C1orf87: variants seen among roughly 807,000 people sequenced by gnomAD.
The protein encoded by C1orf87 is uncharacterized protein C1orf87.
C1orf87 carries 58 observed loss-of-function variants against 60.5 expected under a neutral mutation model. The observed-to-expected ratio is 0.96, with a 90% CI of 0.78 to 1.19. The LOEUF is 1.19. Ranked by LOEUF, C1orf87 falls within the 50% of genes most tolerant of loss-of-function variation. C1orf87 has a pLI of 0.00. For missense variants in C1orf87, 673 were observed against 638.6 expected, an observed-to-expected ratio of 1.05 and a Z score of -0.58; for synonymous variants, 236 against 227.4, an observed-to-expected ratio of 1.04 and a Z score of -0.34.
chr1:60,062,501 G>C (rs1645503991), intron 2 of C1orf87, among the ~76,000 whole-genome samples: 1 of 152,042 alleles, frequency 6.6e-6, no homozygotes, highest in African/African-American at 2.4e-5. Flanking sequence ...CCAGCACTGG[G>C]TATCTCCATT....
chr1:60,055,922 G>A (rs1430332992), intron 2 of C1orf87, among the ~76,000 whole-genome samples: 2 of 151,696 alleles, frequency 1.3e-5, no homozygotes, highest in African/African-American at 4.8e-5. Context: ...GATGATTCAA[G>A]GAAATTCAAA....
chr1:60,001,088 T>G lies in C1orf87; in HGVS notation c.1261A>C (p.Thr421Pro), dbSNP rs1457476455. The change falls in exon 10 of 12, where the codon ACT becomes CCT. Residue 421 changes from threonine (T) to proline (P), a missense_variant. Physicochemically the swap from Thr to Pro is conservative, Grantham distance 38. Coordinates refer to ENST00000371201, the MANE Select transcript of C1orf87 (RefSeq NM_152377.3). Reference sequence around the variant, plus strand: ...CCCCAGGTGCATACCATATGTTCAGTTTTGCTTTGAGACATCTCGGGGACT... The same window carrying G: ...CCCCAGGTGCATACCATATGTTCAGGTTTGCTTTGAGACATCTCGGGGACT... ...PEVPEMSQSK[T>P]EHMKTPEEEL... The G allele has an allele frequency of 6.2e-7, 1 of 1,608,664 alleles. No individual in the cohort carries two copies.
chr1:60,038,069 T>C lies in C1orf87; in HGVS notation c.786A>G (p.Ala262=). 6.3e-7 allele frequency: 1 copy of C among 1,596,304 alleles called. No homozygotes were observed. The highest frequency in any genetic ancestry group is 8.6e-7 in the Non-Finnish European group (1 of 1,166,494). The change falls in exon 6 of 12, where the codon GCA becomes GCG. Residue 262 remains alanine, a synonymous_variant. Coordinates refer to ENST00000371201, the MANE Select transcript of C1orf87 (RefSeq NM_152377.3). ...YEKLLWFLNS[A]ASDYPQQNKA... The stretch of plus-strand genomic sequence containing the variant: ...TATTTTGCTGTGGATAATCTGATGC[T>C]GCACTGTTTAAAAACCAGAGTAGCT...
intron 8 of C1orf87, chr1:60,010,710 A>T (rs1010696912): frequency 1.3e-5 from 4 of 297,626 alleles, no homozygotes; most frequent in Admixed American, 5.0e-5. Flanking sequence ...TGTGGTCCAG[A>T]GATCAGGGAA....
intron 4 of C1orf87, among the ~76,000 whole-genome samples, chr1:60,040,755 A>ATTT (rs34709077): frequency 2.0e-4 from 26 of 132,118 alleles, no homozygotes; most frequent in African/African-American, 4.0e-4. Context: ...ACTGTCTTTA[A>ATTT]TTTTTTTTTT....
At chr1:60,046,122 T>C (rs1645366199) in intron 3 of C1orf87, among the ~76,000 whole-genome samples, 1 of 151,084 alleles carries the variant, frequency 6.6e-6, no homozygotes, top group Non-Finnish European at 1.5e-5. Context: ...CCTCTTTTCC[T>C]TACATCTTTT....
In C1orf87 at chr1:60,055,326, G is replaced by C. The variant is rs1272606483; in HGVS notation, c.220C>G (p.Gln74Glu). 2 of 1,614,082 alleles carry C rather than the reference G, an allele frequency of 1.2e-6. No individual in the cohort carries two copies. Among genetic ancestry groups the C allele is most frequent in the East Asian group, 2.2e-5 (1 of 44,878 alleles). ...DTPVPINFTD[Q>E]QTTDNPDDVK... is the part of the protein sequence containing the mutation. Reference sequence around the variant, plus strand: ...TCATCTGGATTATCAGTGGTTTGCTGATCAGTGAAGTTAATGGGAACTGGG... The same window carrying C: ...TCATCTGGATTATCAGTGGTTTGCTCATCAGTGAAGTTAATGGGAACTGGG... Residue 74 changes from glutamine to glutamate, a missense_variant, in exon 3 of 12, where the codon CAG (glutamine) becomes GAG (glutamate). Transcript: ENST00000371201.
chr1:60,046,233 C>G (rs974848534), intron 3 of C1orf87, among the ~76,000 whole-genome samples: 1 of 137,574 alleles, frequency 7.3e-6, no homozygotes, highest in African/African-American at 2.7e-5. Flanking sequence ...CCTCCCCCTC[C>G]CCTTCCTTCC....
At chr1:59,997,493 A>G in intron 11 of C1orf87, 116 bp downstream of exon 11, 1 of 892,174 alleles carries the variant, frequency 1.1e-6, no homozygotes, top group East Asian at 2.6e-5. Context: ...ATTGCAGGGC[A>G]CATGATTTAT....
intron 2 of C1orf87, among the ~76,000 whole-genome samples, chr1:60,066,026 TA>T (rs1437495937): frequency 6.6e-6 from 1 of 152,124 alleles, no homozygotes; most frequent in Non-Finnish European, 1.5e-5. Flanking sequence ...ACAATGCACA[TA>T]CCTTAATTAA....
intron 2 of C1orf87, among the ~76,000 whole-genome samples, chr1:60,070,605 G>A (rs970148547): frequency 6.6e-6 from 1 of 152,072 alleles, no homozygotes; most frequent in Admixed American, 6.6e-5. Context: ...ATTATCCTAT[G>A]TCATCCCAGC....
chr1:60,064,590 A>C, intron 2 of C1orf87, among the ~76,000 whole-genome samples: 1 of 114,040 alleles, frequency 8.8e-6, no homozygotes, highest in South Asian at 2.4e-4. Flanking sequence ...TATCATATAT[A>C]ATATATATAT....
chr1:60,056,931 C>T (rs950583728), intron 2 of C1orf87, among the ~76,000 whole-genome samples: 3 of 152,070 alleles, frequency 2.0e-5, no homozygotes, highest in Non-Finnish European at 4.4e-5. Flanking sequence ...ACTTGTTGAA[C>T]TCCAATACTT....
chr1:60,053,145 T>C (rs762387456), intron 3 of C1orf87, among the ~76,000 whole-genome samples: 6 of 152,218 alleles, frequency 3.9e-5, no homozygotes, highest in Non-Finnish European at 8.8e-5. Context: ...AATGAGCAGT[T>C]TGATGTATTA....
chr1:60,012,620 A>G (rs972142019), intron 8 of C1orf87, among the ~76,000 whole-genome samples: 2 of 152,124 alleles, frequency 1.3e-5, no homozygotes, highest in South Asian at 4.1e-4. Flanking sequence ...CAAACCTCCA[A>G]TGTCAAGCCA....
At chr1:60,017,049 G>A (rs115613340) in intron 8 of C1orf87, among the ~76,000 whole-genome samples, 7 of 152,274 alleles carry the variant, frequency 4.6e-5, no homozygotes, top group East Asian at 3.9e-4. Context: ...CCTTATTGAC[G>A]AATTCATTTA....
At chr1:60,012,178 G>GAAA (rs141797847) in intron 8 of C1orf87, among the ~76,000 whole-genome samples, 1 of 147,086 alleles carries the variant, frequency 6.8e-6, no homozygotes, top group South Asian at 2.1e-4. Context: ...ACGCTTTGAT[G>GAAA]AAAAAAAAAA....
At chr1:60,025,210 T>TA (rs1438064883) in intron 8 of C1orf87, among the ~76,000 whole-genome samples, 191 bp downstream of exon 8, 1 of 152,226 alleles carries the variant, frequency 6.6e-6, no homozygotes, top group Non-Finnish European at 1.5e-5. Flanking sequence ...AGGAAACTCT[T>TA]ATGTCTGTTC....
intron 7 of C1orf87, among the ~76,000 whole-genome samples, chr1:60,029,854 T>A (rs1460541602): frequency 6.6e-6 from 1 of 151,974 alleles, no homozygotes; most frequent in East Asian, 1.9e-4. Context: ...TTGGCCAGGA[T>A]GGTCTCCATC....
Sources: allele counts gnomAD v4.1 joint callset (sites outside exome capture counted in the v4.1 genomes callset), GRCh38; gene constraint gnomAD v4.1.1; transcripts MANE v1.5; gene names NCBI Gene and HGNC (gene_info 2026-07-23, HGNC 2026-07-21).